Variants in REEP1 observed in about 807,000 individuals in gnomAD.
The protein encoded by REEP1 is receptor accessory protein 1.
Under a neutral mutation model 40.3 loss-of-function variants are expected in REEP1, and 22 were observed. The observed-to-expected ratio is 0.55, with a 90% confidence interval of 0.39 to 0.78. The LOEUF is 0.78. REEP1 is among the 30% of genes least tolerant of loss of function. The probability of loss-of-function intolerance (pLI) is 0.00; values close to 1 mark genes in which losing one functional copy is unlikely to be tolerated. For synonymous variants in REEP1, 116 were observed against 139.2 expected, an observed-to-expected ratio of 0.83 and a Z score of 1.17; for missense variants, 280 against 361.1, an observed-to-expected ratio of 0.78 and a Z score of 1.82.
intron 5 of REEP1, among the ~76,000 whole-genome samples, chr2:86,251,103 C>A (rs1676246956): frequency 6.6e-6 from 1 of 152,222 alleles, no homozygotes; most frequent in Admixed American, 6.5e-5. Context: ...CTTCCCTCCA[C>A]CACCAGCCGA....
chr2:86,307,729 CAA>C (rs369591109), intron 1 of REEP1, among the ~76,000 whole-genome samples: 1 of 122,270 alleles, frequency 8.2e-6, no homozygotes, highest in Admixed American at 8.4e-5. Context: ...GACTCCGTCT[CAA>C]AAAAAAAAAG....
chr2:86,262,893 C>T (rs756867717), intron 3 of REEP1, among the ~76,000 whole-genome samples: 8 of 152,228 alleles, frequency 5.3e-5, no homozygotes, highest in East Asian at 1.9e-4. Flanking sequence ...CAGCTTCTTT[C>T]GCCTAAGAAG....
At chr2:86,251,900 G>T in intron 5 of REEP1, 57 bp downstream of exon 5, 1 of 1,188,928 alleles carries the variant, frequency 8.4e-7, no homozygotes, top group African/African-American at 1.5e-5. Context: ...CAGGTGATGA[G>T]CAGGGCACAC....
At chr2:86,293,730 G>A (rs1678843407) in intron 1 of REEP1, among the ~76,000 whole-genome samples, 1 of 152,216 alleles carries the variant, frequency 6.6e-6, no homozygotes. Flanking sequence ...ATGACACCAT[G>A]TGAACAAACA....
intron 5 of REEP1, among the ~76,000 whole-genome samples, chr2:86,234,772 C>T (rs1281871693): frequency 6.6e-6 from 1 of 152,192 alleles, no homozygotes; most frequent in East Asian, 1.9e-4. Flanking sequence ...GGGCAAGGGT[C>T]CAAGGTCTCA....
chr2:86,308,955 T>G (rs1210733605), intron 1 of REEP1, among the ~76,000 whole-genome samples: 1 of 152,132 alleles, frequency 6.6e-6, no homozygotes, highest in Non-Finnish European at 1.5e-5. Flanking sequence ...GTCTGCCACC[T>G]CGGCATTCTC....
chr2:86,228,268 CAG>C (rs1423532844), intron 6 of REEP1, among the ~76,000 whole-genome samples: 1 of 152,160 alleles, frequency 6.6e-6, no homozygotes, highest in Non-Finnish European at 1.5e-5. Flanking sequence ...GAGGGAAGCA[CAG>C]AACCCTTGTC....
intron 3 of REEP1, among the ~76,000 whole-genome samples, chr2:86,257,569 T>C (rs1047399671): frequency 5.3e-5 from 8 of 151,560 alleles, no homozygotes; most frequent in Non-Finnish European, 1.0e-4. Context: ...TCCCAGCACA[T>C]ACATACAATC....
At chr2:86,300,953 C>T (rs927999783) in intron 1 of REEP1, among the ~76,000 whole-genome samples, 4 of 152,200 alleles carry the variant, frequency 2.6e-5, no homozygotes, top group Non-Finnish European at 5.9e-5. Flanking sequence ...CTGGGTACCA[C>T]TGACAAACCC....
rs1471886265 is a variant in REEP1, at chr2:86,216,860, TAAAGA to T, written c.*174_*178del. ...TCCCTTTAGCCTCTCCCCAGCAAAATAAAGAAAAGGGGGAAAAAAATAAATCCTTA... is the reference window on the plus strand; with the variant it reads ...TCCCTTTAGCCTCTCCCCAGCAAAATAAAGGGGGAAAAAAATAAATCCTTA... On this transcript the variant is annotated 3_prime_UTR_variant, in exon 9 of 9. Transcript: ENST00000538924. 3.4e-5 allele frequency: 18 copies of T among 524,994 alleles called. No individual in the cohort carries two copies. Among genetic ancestry groups the T allele is most frequent in the Non-Finnish European group, 5.1e-5 (15 of 292,558 alleles). 32.5% of individuals were successfully genotyped at this position (524,994 alleles called of 1,614,324 possible). A position where few individuals can be genotyped will look rare whatever the true frequency, so the allele number is the denominator to read the frequency against.
intron 1 of REEP1, among the ~76,000 whole-genome samples, chr2:86,283,175 C>T (rs1411836474): frequency 6.6e-6 from 1 of 152,210 alleles, no homozygotes. Context: ...TTTTGATTGA[C>T]AGCCCTCTTT....
chr2:86,299,944 A>G (rs1022031437), intron 1 of REEP1, among the ~76,000 whole-genome samples: 1 of 152,244 alleles, frequency 6.6e-6, no homozygotes, highest in South Asian at 2.1e-4. Flanking sequence ...ATACCCTCCA[A>G]TCTTCCTTCT....
intron 1 of REEP1, among the ~76,000 whole-genome samples, chr2:86,318,259 C>T (rs553020134): frequency 2.4e-4 from 36 of 152,222 alleles, no homozygotes; most frequent in African/African-American, 8.7e-4. Context: ...GTAAGACAGA[C>T]CAACCACCAC....
chr2:86,325,692 G>C (rs1680471846), intron 1 of REEP1, among the ~76,000 whole-genome samples: 1 of 152,168 alleles, frequency 6.6e-6, no homozygotes, highest in African/African-American at 2.4e-5. Flanking sequence ...AGCAAGGAAT[G>C]GAGTGTCCCC....
chr2:86,331,070 C>A (rs1680739627), intron 1 of REEP1, among the ~76,000 whole-genome samples: 1 of 152,248 alleles, frequency 6.6e-6, no homozygotes. Context: ...GTGCCAGCCT[C>A]TTTCTCTCAC....
intron 2 of REEP1, among the ~76,000 whole-genome samples, chr2:86,271,052 C>T (rs979525768): frequency 1.3e-5 from 2 of 151,678 alleles, no homozygotes; most frequent in Non-Finnish European, 2.9e-5. Flanking sequence ...ATTAGCTGGG[C>T]ATGGTGGTGA....
At chr2:86,279,676 G>T (rs1055696209) in intron 2 of REEP1, among the ~76,000 whole-genome samples, 3 of 152,186 alleles carry the variant, frequency 2.0e-5, no homozygotes, top group Non-Finnish European at 4.4e-5. Context: ...GGTTATGGAA[G>T]AACAGCCAGA....
intron 1 of REEP1, among the ~76,000 whole-genome samples, chr2:86,331,533 G>A (rs1288872597): frequency 1.4e-5 from 2 of 140,704 alleles, no homozygotes; most frequent in Non-Finnish European, 3.3e-5. Context: ...AAAAAAGGTG[G>A]GGGGGCGGGG....
At chr2:86,290,288 T>C (rs1251652526) in intron 1 of REEP1, among the ~76,000 whole-genome samples, 6 of 151,936 alleles carry the variant, frequency 3.9e-5, no homozygotes, top group Non-Finnish European at 7.4e-5. Flanking sequence ...GATGGGGAGG[T>C]GGGAGGTTGA....
Sources: gnomAD v4.1 joint callset for allele counts (sites outside exome capture counted in the v4.1 genomes callset) on GRCh38, gnomAD v4.1.1 for gene constraint, MANE v1.5 for transcripts, NCBI Gene and HGNC (gene_info 2026-07-23, HGNC 2026-07-21) for gene names.